ADGRV1: variants seen among roughly 807,000 people sequenced by gnomAD.
ADGRV1 encodes G-protein coupled receptor 98.
In ADGRV1, 359 loss-of-function variants were observed where a neutral mutation model predicts 596.2. That is an observed-to-expected ratio of 0.60 (90% confidence interval 0.55 to 0.66). The LOEUF is 0.66. Among genes scored for constraint, ADGRV1 ranks in the 30% least tolerant of loss-of-function variants. The pLI is 0.00. For synonymous variants in ADGRV1, 2,681 were observed against 2,679.2 expected, an observed-to-expected ratio of 1.00 and a Z score of -0.02; for missense variants, 7,274 against 7,575.6, an observed-to-expected ratio of 0.96 and a Z score of 1.48.
chr5:91,088,917 GCCTCTT>G (rs1455224583), intron 86 of ADGRV1, among the ~76,000 whole-genome samples: 2 of 152,112 alleles, frequency 1.3e-5, no homozygotes, highest in Admixed American at 1.3e-4. Context: ...GTATTAGACA[GCCTCTT>G]TCTCCCTAGA....
chr5:90,763,543 A>G, intron 59 of ADGRV1, 74 bp downstream of exon 59: 1 of 1,449,672 alleles, frequency 6.9e-7, no homozygotes, highest in Non-Finnish European at 9.6e-7. Context: ...TTTATTGTAA[A>G]TTCAGGGAGC....
chr5:90,692,597 A>AT lies in ADGRV1; in HGVS notation c.6952-3dup. 1.2e-6 allele frequency: 2 copies of AT among 1,600,368 alleles called. No homozygotes were observed. Among genetic ancestry groups the AT allele is most frequent in the Non-Finnish European group, 1.7e-6 (2 of 1,173,940 alleles). ...ATGCTGTTAAGGAAGTTTTCACTGT[A>AT]TTTTTAGGTTATCCAAGTGCAACTA... is the stretch of plus-strand genomic sequence containing the variant. On this transcript the variant is annotated splice_region_variant and splice_polypyrimidine_tract_variant and intron_variant, in intron 31 of 89. Coordinates refer to ENST00000405460, the MANE Select transcript of ADGRV1 (RefSeq NM_032119.4).
At chr5:90,597,148 A>G (rs1429289507) in intron 1 of ADGRV1, among the ~76,000 whole-genome samples, 1 of 152,142 alleles carries the variant, frequency 6.6e-6, no homozygotes, top group African/African-American at 2.4e-5. Context: ...AAGTGTGAGC[A>G]GGATTGGGGA....
In ADGRV1 at chr5:90,730,068, G is replaced by A. The variant is rs568494578; in HGVS notation, c.10549+304G>A. Among the ~76,000 whole-genome samples, 382 of 152,148 alleles carry A rather than the reference G, an allele frequency of 2.5e-3. 3 individuals are homozygous for A. The highest frequency in any genetic ancestry group is 8.6e-3 in the African/African-American group (357 of 41,536). On this transcript the variant is annotated intron_variant, in intron 50 of 89. Coordinates refer to ENST00000405460, the MANE Select transcript of ADGRV1 (RefSeq NM_032119.4). ...TTTTTAGTAGAGACGGGGTTTCACC[G>A]TGTTAGCCAGGATGGTCTTGATCTC...
In ADGRV1 at chr5:90,985,455, A is replaced by G. The variant is rs767098627; in HGVS notation, c.18085A>G (p.Ile6029Val). Residue 6029 changes from isoleucine (I) to valine (V), a missense_variant, in exon 85 of 90, where the codon ATA (isoleucine) becomes GTA (valine). Ile to Val is a conservative substitution (Grantham distance 29, BLOSUM62 3). Around this residue, in one of 5 missense-constraint regions of ADGRV1, gnomAD observed 1,874 missense variants for 1,970.2 expected, o/e 0.95. Coordinates refer to ENST00000405460, the MANE Select transcript of ADGRV1 (RefSeq NM_032119.4). ...ACCAGCTTTTGTGGTGATTCTCCTC[A>G]TAGTTATTTTGAAAGGAATCTATCA... ...GLPAFVVILL[I>V]VILKGIYHQS... The G allele has an allele frequency of 2.5e-5, 41 of 1,613,676 alleles. No individual in the cohort carries two copies. In the South Asian group the frequency reaches 4.3e-4, roughly 17 times the overall value.
At chr5:90,876,025 A>G (rs1429700192) in intron 83 of ADGRV1, among the ~76,000 whole-genome samples, 3 of 152,200 alleles carry the variant, frequency 2.0e-5, no homozygotes, top group Non-Finnish European at 4.4e-5. Flanking sequence ...ATACTGCAGG[A>G]TGTCTAGACA....
intron 1 of ADGRV1, among the ~76,000 whole-genome samples, chr5:90,569,383 ATATAT>A (rs1756177859): frequency 5.7e-5 from 1 of 17,430 alleles, no homozygotes; most frequent in African/African-American, 2.7e-4. Flanking sequence ...ATATATATAT[ATATAT>A]TTTTTTTTTT....
chr5:90,713,093 C>T (rs1749596294), intron 42 of ADGRV1, among the ~76,000 whole-genome samples: 3 of 152,000 alleles, frequency 2.0e-5, no homozygotes. Flanking sequence ...GATAGACAAG[C>T]CAAATGAATT....
intron 83 of ADGRV1, among the ~76,000 whole-genome samples, chr5:90,938,697 C>G (rs560141174): frequency 1.3e-5 from 2 of 152,312 alleles, no homozygotes; most frequent in East Asian, 3.9e-4. Context: ...AATCTCTACC[C>G]TCTTGGAACC....
At chr5:91,039,759 A>G (rs954712280) in intron 85 of ADGRV1, among the ~76,000 whole-genome samples, 1 of 152,182 alleles carries the variant, frequency 6.6e-6, no homozygotes, top group Non-Finnish European at 1.5e-5. Context: ...AAGGAAAGAT[A>G]ATGATGCAGT....
intron 85 of ADGRV1, among the ~76,000 whole-genome samples, chr5:90,992,499 A>G (rs1781053900): frequency 6.6e-6 from 1 of 152,210 alleles, no homozygotes; most frequent in Admixed American, 6.5e-5. Context: ...CTAGGTGTAA[A>G]AAGAACTTTA....
At chr5:90,932,174 A>G (rs776136235) in intron 83 of ADGRV1, among the ~76,000 whole-genome samples, 24 of 152,298 alleles carry the variant, frequency 1.6e-4, no homozygotes, top group Non-Finnish European at 2.5e-4. Context: ...TTGCCAGGAA[A>G]TGAGTTCTCA....
chr5:90,722,716 C>CAAAAAAAA lies in ADGRV1; in HGVS notation c.9748+1690_9748+1697dup, dbSNP rs55761821. On this transcript the variant is annotated intron_variant, in intron 45 of 89. Transcript: ENST00000405460. The stretch of plus-strand genomic sequence containing the variant: ...GGCAACAAGAGCAAAAACTCCGTCT[C>CAAAAAAAA]AAAAAAAAAAAAAAAAAAAAAAAAA... Among the ~76,000 whole-genome samples, 14 of 32,900 alleles carry CAAAAAAAA rather than the reference C, an allele frequency of 4.3e-4. 3 individuals are homozygous for CAAAAAAAA. Among genetic ancestry groups the CAAAAAAAA allele is most frequent in the African/African-American group, 1.4e-3 (11 of 8,126 alleles). The allele number at this position is 32,900 out of a possible 152,430, so 21.6% of individuals were successfully genotyped here. A position where few individuals can be genotyped will look rare whatever the true frequency, so the allele number is the denominator to read the frequency against.
intron 83 of ADGRV1, among the ~76,000 whole-genome samples, chr5:90,961,487 C>CA (rs34654014): frequency 0.25 from 11,526 of 46,390 alleles, 2,027 homozygotes; most frequent in Non-Finnish European, 0.32. Flanking sequence ...GACTCCGTCT[C>CA]AAAAAAAAAA....
intron 87 of ADGRV1, among the ~76,000 whole-genome samples, chr5:91,123,680 A>G (rs1300900038): frequency 6.6e-6 from 1 of 152,184 alleles, no homozygotes; most frequent in East Asian, 1.9e-4. Context: ...ACTTATAATT[A>G]CTTCTCCATT....
intron 38 of ADGRV1, among the ~76,000 whole-genome samples, chr5:90,707,375 G>A (rs200890971): frequency 3.5e-3 from 539 of 152,120 alleles, no homozygotes; most frequent in African/African-American, 0.012. Context: ...TTGCAGTTGA[G>A]AAAATATTTT....
intron 72 of ADGRV1, among the ~76,000 whole-genome samples, chr5:90,806,147 G>T (rs1761881458): frequency 6.6e-6 from 1 of 152,150 alleles, no homozygotes. Flanking sequence ...CAAGATCTCG[G>T]CATCACTGAG....
intron 4 of ADGRV1, among the ~76,000 whole-genome samples, chr5:90,621,993 C>T (rs1258844755): frequency 1.3e-5 from 2 of 152,144 alleles, no homozygotes; most frequent in Non-Finnish European, 2.9e-5. Context: ...TTGCTGTCAC[C>T]CTGAGAGCTG....
chr5:90,965,415 A>C lies in ADGRV1; in HGVS notation c.17857A>C (p.Ile5953Leu). 6.3e-7 allele frequency: 1 copy of C among 1,593,966 alleles called. No homozygotes were observed. The highest frequency in any genetic ancestry group is 8.6e-7 in the Non-Finnish European group (1 of 1,161,716). Residue 5953 changes from isoleucine (I) to leucine (L), a missense_variant and splice_region_variant, in exon 84 of 90, where the codon ATT becomes CTT. Around this residue, in one of 5 missense-constraint regions of ADGRV1, gnomAD observed 1,874 missense variants for 1,970.2 expected, o/e 0.95. Transcript: ENST00000405460. Reference protein sequence around the residue: ...HMMAASLGTQILFLASAYASP... With the variant: ...HMMAASLGTQLLFLASAYASP... ...AAATAGAAGTATCTGTTTCTTACAG[A>C]TTCTGTTTCTGGCGTCTGCATACGC...
Sources: gnomAD v4.1 joint callset for allele counts (sites outside exome capture counted in the v4.1 genomes callset) on GRCh38, gnomAD v4.1.1 for gene constraint, gnomAD v4.1.1 regional missense constraint, MANE v1.5 for transcripts, NCBI Gene and HGNC (gene_info 2026-07-23, HGNC 2026-07-21) for gene names.